MARCHF1: variants seen among roughly 807,000 people sequenced by gnomAD.
MARCHF1 encodes the protein membrane associated ring-CH-type finger 1.
MARCHF1 carries 40 observed loss-of-function variants against 54.2 expected under a neutral mutation model. That is an observed-to-expected ratio of 0.74 (90% CI 0.57 to 0.96). The LOEUF (loss-of-function observed/expected upper bound fraction) is 0.96, where lower values mean the gene tolerates loss of function less well. Among genes scored for constraint, MARCHF1 ranks in the 40% least tolerant of loss-of-function variants. The pLI is 0.00. For missense variants in MARCHF1, 586 were observed against 656.5 expected (o/e 0.89, Z 1.17); for synonymous variants, 236 against 236.3 (o/e 1.00, Z 0.01).
intron 4 of MARCHF1, among the ~76,000 whole-genome samples, chr4:163,717,457 A>ATG (rs1159304844): frequency 2.6e-5 from 4 of 151,948 alleles, no homozygotes; most frequent in Middle Eastern, 3.4e-3. Flanking sequence ...CAATAAACAG[A>ATG]TGTGTGTGTG....
intron 1 of MARCHF1, among the ~76,000 whole-genome samples, chr4:164,205,126 C>T (rs950593457): frequency 2.0e-5 from 3 of 152,030 alleles, no homozygotes; most frequent in Admixed American, 6.6e-5. Context: ...TATATAAACA[C>T]TTTATTCTTA....
intron 5 of MARCHF1, among the ~76,000 whole-genome samples, chr4:163,628,832 A>C (rs943428824): frequency 1.3e-5 from 2 of 152,148 alleles, no homozygotes; most frequent in South Asian, 2.1e-4. Flanking sequence ...ACCTAGGAAT[A>C]CAACTTACAA....
chr4:163,676,185 C>CAAAAAAAAAAAAAAAAA (rs869219643), intron 5 of MARCHF1, among the ~76,000 whole-genome samples: 1 of 89,268 alleles, frequency 1.1e-5, no homozygotes, highest in Non-Finnish European at 2.1e-5. Flanking sequence ...ACTAAAAATA[C>CAAAAAAAAAAAAAAAAA]AAAAAAAAAA....
chr4:163,934,012 T>C (rs1362551309), intron 3 of MARCHF1, among the ~76,000 whole-genome samples: 1 of 152,196 alleles, frequency 6.6e-6, no homozygotes, highest in African/African-American at 2.4e-5. Context: ...GAAATTAAAG[T>C]ATATGTCATT....
intron 4 of MARCHF1, among the ~76,000 whole-genome samples, chr4:163,785,415 C>T (rs560947849): frequency 1.4e-4 from 21 of 152,168 alleles, no homozygotes; most frequent in African/African-American, 4.6e-4. Context: ...CCCTGACACA[C>T]TTAGCCTTTC....
At chr4:164,221,534 T>C (rs57232050) in intron 1 of MARCHF1, among the ~76,000 whole-genome samples, 6,478 of 152,146 alleles carry the variant, frequency 0.043, 466 homozygotes, top group African/African-American at 0.15. Context: ...TTTGCATTCA[T>C]TAGAAATTAT....
At chr4:164,093,842 A>T (rs1755354194) in intron 2 of MARCHF1, among the ~76,000 whole-genome samples, 1 of 152,030 alleles carries the variant, frequency 6.6e-6, no homozygotes, top group Non-Finnish European at 1.5e-5. Flanking sequence ...GAAGAGAAAA[A>T]CCAGTAATTA....
At chr4:163,764,241 A>C (rs1183974385) in intron 4 of MARCHF1, among the ~76,000 whole-genome samples, 1 of 152,086 alleles carries the variant, frequency 6.6e-6, no homozygotes, top group Non-Finnish European at 1.5e-5. Context: ...GAACGAAGGA[A>C]AAAGAGGAAA....
Position 164,370,909 on chromosome 4 carries a change from A to G in MARCHF1, c.-323+12961T>C, listed in dbSNP as rs189975863. ...GGCAACAGTGTGAGACTCCATCTCA[A>G]AAATAAATAAATAATATAAATATAA... is the stretch of plus-strand genomic sequence containing the variant. On this transcript the variant is annotated intron_variant, in intron 1 of 9. Coordinates refer to ENST00000514618, the MANE Select transcript of MARCHF1 (RefSeq NM_001394959.1). Among the ~76,000 whole-genome samples, 439 of 152,224 alleles carry G rather than the reference A, an allele frequency of 2.9e-3. 1 individual carries two copies. The highest frequency in any genetic ancestry group is 1.0e-2 in the African/African-American group (415 of 41,558).
intron 1 of MARCHF1, among the ~76,000 whole-genome samples, chr4:164,193,691 T>C (rs1179602519): frequency 6.6e-6 from 1 of 152,150 alleles, no homozygotes; most frequent in Admixed American, 6.6e-5. Flanking sequence ...GCTAGAATAA[T>C]TATTATGACA....
chr4:163,803,817 C>T (rs1016389693), intron 4 of MARCHF1, among the ~76,000 whole-genome samples: 5 of 151,906 alleles, frequency 3.3e-5, no homozygotes, highest in African/African-American at 7.3e-5. Context: ...ATTTCTATAT[C>T]GGTATATTCT....
intron 4 of MARCHF1, among the ~76,000 whole-genome samples, chr4:163,814,751 A>G (rs755704264): frequency 6.6e-6 from 1 of 152,192 alleles, no homozygotes; most frequent in Non-Finnish European, 1.5e-5. Flanking sequence ...GCTTTGGACA[A>G]ATCATTTATT....
intron 1 of MARCHF1, among the ~76,000 whole-genome samples, chr4:164,248,580 A>G (rs186609600): frequency 4.6e-5 from 7 of 152,200 alleles, no homozygotes; most frequent in Admixed American, 2.0e-4. Flanking sequence ...AAATTTTCAT[A>G]TCCACAAGAA....
At chr4:164,365,386 G>T (rs998129557) in intron 1 of MARCHF1, among the ~76,000 whole-genome samples, 1 of 152,004 alleles carries the variant, frequency 6.6e-6, no homozygotes, top group Non-Finnish European at 1.5e-5. Flanking sequence ...AGTAGAAATT[G>T]ATATGTGTTG....
intron 1 of MARCHF1, among the ~76,000 whole-genome samples, chr4:164,198,476 T>C (rs1470231085): frequency 6.6e-6 from 1 of 152,220 alleles, no homozygotes; most frequent in Non-Finnish European, 1.5e-5. Flanking sequence ...GTGAATTAGT[T>C]CTTACACAAG....
chr4:163,720,030 A>C (rs974371631), intron 4 of MARCHF1, among the ~76,000 whole-genome samples: 2 of 152,072 alleles, frequency 1.3e-5, no homozygotes, highest in Non-Finnish European at 2.9e-5. Context: ...TCTTTAGTTT[A>C]ATTAGATCCC....
intron 1 of MARCHF1, among the ~76,000 whole-genome samples, chr4:164,294,429 C>T (rs1305240215): frequency 6.6e-6 from 1 of 152,206 alleles, no homozygotes; most frequent in East Asian, 1.9e-4. Flanking sequence ...TCACACATAG[C>T]TCCAGCCACA....
chr4:164,025,294 C>T (rs1753742569), intron 2 of MARCHF1, among the ~76,000 whole-genome samples: 1 of 152,114 alleles, frequency 6.6e-6, no homozygotes, highest in South Asian at 2.1e-4. Flanking sequence ...ACATTCTTCT[C>T]ATCTGCACAC....
At chr4:163,933,419 T>C (rs924052862) in intron 3 of MARCHF1, among the ~76,000 whole-genome samples, 20 of 152,214 alleles carry the variant, frequency 1.3e-4, no homozygotes, top group African/African-American at 4.1e-4. Context: ...CATTCCTTGA[T>C]TTGTCTTGGC....
Sources: allele counts gnomAD v4.1 joint callset (sites outside exome capture counted in the v4.1 genomes callset), GRCh38; gene constraint gnomAD v4.1.1; transcripts MANE v1.5; gene names NCBI Gene and HGNC (gene_info 2026-07-23, HGNC 2026-07-21).